Variants in SHROOM3 observed in about 807,000 individuals in gnomAD.
The protein encoded by SHROOM3 is protein Shroom3.
In SHROOM3, 47 loss-of-function variants were observed where a neutral mutation model predicts 138.6. The observed-to-expected ratio is 0.34, with a 90% CI of 0.27 to 0.43. The LOEUF is 0.43. Ranked by LOEUF, SHROOM3 falls within the 20% of genes least tolerant of loss-of-function variation. The pLI is 1.00. For synonymous variants in SHROOM3, 1,062 were observed against 1,063.3 expected (o/e 1.00, Z 0.02); for missense variants, 2,491 against 2,596.5 (o/e 0.96, Z 0.88).
At chr4:76,466,869 A>G (rs1317106938) in intron 1 of SHROOM3, among the ~76,000 whole-genome samples, 2 of 152,176 alleles carry the variant, frequency 1.3e-5, no homozygotes, top group African/African-American at 4.8e-5. Flanking sequence ...TGGGCTGAAG[A>G]TGCAATGAAA....
intron 2 of SHROOM3, among the ~76,000 whole-genome samples, chr4:76,684,261 A>C (rs2110104635): frequency 6.6e-6 from 1 of 152,302 alleles, no homozygotes; most frequent in South Asian, 2.1e-4. Flanking sequence ...GGAGCTGCTG[A>C]CCTGAGTGAC....
Position 76,491,750 on chromosome 4 carries a change from G to C in SHROOM3, c.168+55530G>C, listed in dbSNP as rs1372920460. Among the ~76,000 whole-genome samples, 4 of 152,112 alleles carry C rather than the reference G, an allele frequency of 2.6e-5. No individual in the cohort carries two copies. In the East Asian group the frequency reaches 7.7e-4, roughly 29 times the overall value. ...TGTGAAAAAAGCACCCCCCAACCCT[G>C]GTCAAGCCATTTTTAGATGAGTTAT... On this transcript the variant is annotated intron_variant, in intron 1 of 10. Transcript: ENST00000296043.
At chr4:76,514,628 A>G (rs1732406637) in intron 1 of SHROOM3, among the ~76,000 whole-genome samples, 3 of 152,214 alleles carry the variant, frequency 2.0e-5, no homozygotes, top group Non-Finnish European at 4.4e-5. Flanking sequence ...GTTCAATGAA[A>G]AAGGGTGAAT....
At chr4:76,454,397 G>T (rs545947126) in intron 1 of SHROOM3, among the ~76,000 whole-genome samples, 101 of 152,090 alleles carry the variant, frequency 6.6e-4, no homozygotes, top group Non-Finnish European at 1.3e-3. Flanking sequence ...TTGGTATGTG[G>T]ATATCCAGTT....
At chr4:76,478,685 A>G (rs1731540445) in intron 1 of SHROOM3, among the ~76,000 whole-genome samples, 2 of 152,194 alleles carry the variant, frequency 1.3e-5, no homozygotes, top group Admixed American at 6.5e-5. Context: ...CCTGACTGGG[A>G]GACACCTCCC....
At chr4:76,562,011 C>G (rs1358517295) in intron 2 of SHROOM3, among the ~76,000 whole-genome samples, 1 of 151,520 alleles carries the variant, frequency 6.6e-6, no homozygotes, top group East Asian at 1.9e-4. Flanking sequence ...AACTCTGTCT[C>G]AAAAAACAAA....
At chr4:76,702,280 T>A (rs1719923986) in intron 2 of SHROOM3, among the ~76,000 whole-genome samples, 1 of 152,326 alleles carries the variant, frequency 6.6e-6, no homozygotes, top group Admixed American at 6.5e-5. Flanking sequence ...TTTCTTTTCT[T>A]CTTTACAATA....
At chr4:76,632,586 C>A (rs891285921) in intron 2 of SHROOM3, among the ~76,000 whole-genome samples, 3 of 152,080 alleles carry the variant, frequency 2.0e-5, no homozygotes, top group Admixed American at 1.3e-4. Flanking sequence ...GGCTGAACTG[C>A]AGTGGGTTGA....
At chr4:76,579,067 C>A (rs554453842) in intron 2 of SHROOM3, among the ~76,000 whole-genome samples, 1 of 152,238 alleles carries the variant, frequency 6.6e-6, no homozygotes, top group African/African-American at 2.4e-5. Context: ...ATGGTCCCAG[C>A]TACTCAGGAA....
chr4:76,530,990 A>T (rs935900970), intron 1 of SHROOM3, among the ~76,000 whole-genome samples: 1 of 152,168 alleles, frequency 6.6e-6, no homozygotes, highest in African/African-American at 2.4e-5. Context: ...TTAGCCTAAA[A>T]TGGCAACCCT....
chr4:76,606,677 T>C (rs1037689133), intron 2 of SHROOM3, among the ~76,000 whole-genome samples: 2 of 152,144 alleles, frequency 1.3e-5, no homozygotes, highest in Non-Finnish European at 1.5e-5. Context: ...CACTCCAGCC[T>C]GGGCAACAGA....
At chr4:76,584,205 C>T (rs1174552974) in intron 2 of SHROOM3, among the ~76,000 whole-genome samples, 1 of 152,012 alleles carries the variant, frequency 6.6e-6, no homozygotes, top group Admixed American at 6.6e-5. Context: ...GTAATCCCAG[C>T]TACTTGGGAG....
chr4:76,620,070 CAAA>C (rs68039696), intron 2 of SHROOM3, among the ~76,000 whole-genome samples: 3 of 61,102 alleles, frequency 4.9e-5, no homozygotes, highest in Non-Finnish European at 9.6e-5. Flanking sequence ...GAATCTATCT[CAAA>C]AAAAAAAAAA....
intron 5 of SHROOM3, among the ~76,000 whole-genome samples, chr4:76,744,892 C>T (rs1008732811): frequency 1.3e-5 from 2 of 152,188 alleles, no homozygotes; most frequent in African/African-American, 4.8e-5. Flanking sequence ...CTTTCTGCCT[C>T]CAAAAACAAA....
At chr4:76,572,339 G>C (rs145338092) in intron 2 of SHROOM3, among the ~76,000 whole-genome samples, 3 of 152,164 alleles carry the variant, frequency 2.0e-5, no homozygotes, top group African/African-American at 7.2e-5. Flanking sequence ...TGTATACCGT[G>C]ATAGGTGACA....
intron 2 of SHROOM3, among the ~76,000 whole-genome samples, chr4:76,676,631 T>A (rs895253569): frequency 4.6e-5 from 7 of 151,894 alleles, no homozygotes; most frequent in African/African-American, 1.7e-4. Context: ...AAGGAAAGGA[T>A]CGAAACCCAG....
At chr4:76,530,757 T>C (rs558513075) in intron 1 of SHROOM3, among the ~76,000 whole-genome samples, 2 of 152,288 alleles carry the variant, frequency 1.3e-5, no homozygotes, top group African/African-American at 4.8e-5. Context: ...AAATGGAACA[T>C]GTAGCAGAGA....
At chr4:76,573,119 T>G (rs1490528374) in intron 2 of SHROOM3, among the ~76,000 whole-genome samples, 1 of 151,390 alleles carries the variant, frequency 6.6e-6, no homozygotes, top group Non-Finnish European at 1.5e-5. Flanking sequence ...GAAAGAAATA[T>G]GAACACAAGC....
chr4:76,621,136 A>G (rs1324978379), intron 2 of SHROOM3, among the ~76,000 whole-genome samples: 1 of 147,898 alleles, frequency 6.8e-6, no homozygotes, highest in African/African-American at 2.6e-5. Context: ...AGAGCCTTTT[A>G]TTGCCAAGTA....
Sources: gnomAD v4.1 joint callset for allele counts (sites outside exome capture counted in the v4.1 genomes callset) on GRCh38, gnomAD v4.1.1 for gene constraint, MANE v1.5 for transcripts, NCBI Gene and HGNC (gene_info 2026-07-23, HGNC 2026-07-21) for gene names.